The following NKAIN2 variants were observed in gnomAD, a reference collection of about 807,000 sequenced individuals.
The protein encoded by NKAIN2 is sodium/potassium transporting ATPase interacting 2.
NKAIN2 carries 14 observed loss-of-function variants against 32.6 expected under a neutral mutation model. The observed-to-expected ratio is 0.43, with a 90% CI of 0.28 to 0.67. The LOEUF is 0.67. Among genes scored for constraint, NKAIN2 ranks in the 30% least tolerant of loss-of-function variants. NKAIN2 has a pLI of 0.17. For synonymous variants in NKAIN2, 80 were observed against 87.2 expected, an observed-to-expected ratio of 0.92 and a Z score of 0.46; for missense variants, 198 against 258.3, an observed-to-expected ratio of 0.77 and a Z score of 1.60.
chr6:123,897,308 A>T (rs1024026294), intron 1 of NKAIN2, among the ~76,000 whole-genome samples: 1 of 152,124 alleles, frequency 6.6e-6, no homozygotes, highest in Non-Finnish European at 1.5e-5. Flanking sequence ...TCATGGTGAT[A>T]TAGCAATTTT....
intron 3 of NKAIN2, among the ~76,000 whole-genome samples, chr6:124,600,950 T>TTAC (rs1391932868): frequency 1.3e-5 from 2 of 152,054 alleles, no homozygotes; most frequent in Non-Finnish European, 2.9e-5. Flanking sequence ...CCAAATGCCA[T>TTAC]TACTACTGGT....
At chr6:124,229,624 T>C (rs1434023383) in intron 1 of NKAIN2, among the ~76,000 whole-genome samples, 2 of 152,144 alleles carry the variant, frequency 1.3e-5, no homozygotes, top group African/African-American at 4.8e-5. Context: ...AATTCCCATA[T>C]GTTGTGGCAG....
chr6:124,482,967 C>CA (rs1324632904), intron 3 of NKAIN2, among the ~76,000 whole-genome samples: 14 of 151,896 alleles, frequency 9.2e-5, no homozygotes, highest in African/African-American at 3.1e-4. Context: ...CTAAAAATAC[C>CA]AAAAATTAGC....
chr6:124,585,723 A>G (rs1439462822), intron 3 of NKAIN2, among the ~76,000 whole-genome samples: 1 of 149,672 alleles, frequency 6.7e-6, no homozygotes, highest in Non-Finnish European at 1.5e-5. Context: ...TATAAAAAGC[A>G]TAAGTTATTA....
chr6:123,979,808 AT>A (rs1264939069), intron 1 of NKAIN2, among the ~76,000 whole-genome samples: 1 of 152,152 alleles, frequency 6.6e-6, no homozygotes, highest in Non-Finnish European at 1.5e-5. Context: ...CTCAACTCTC[AT>A]TTGAATAGGT....
rs143359456 is a variant in NKAIN2, at chr6:124,403,213, T to C, written c.273+47866T>C. On this transcript the variant is annotated intron_variant, in intron 3 of 6. Coordinates refer to ENST00000368417, the MANE Select transcript of NKAIN2 (RefSeq NM_001040214.3). ...TTTATAGTCTAAACATCTAGTTTCA[T>C]ATTTTATGCATATTTTACATTTTGA... Among the ~76,000 whole-genome samples, 62 of 152,330 alleles carry C rather than the reference T, an allele frequency of 4.1e-4. 1 individual carries two copies. In the East Asian group the frequency reaches 0.011, roughly 28 times the overall value.
At chr6:123,851,325 C>CTACAACCT (rs1775338884) in intron 1 of NKAIN2, among the ~76,000 whole-genome samples, 1 of 137,746 alleles carries the variant, frequency 7.3e-6, no homozygotes, top group Non-Finnish European at 1.5e-5. Context: ...TCTCGGCTCA[C>CTACAACCT]TACAACCTCC....
intron 3 of NKAIN2, among the ~76,000 whole-genome samples, chr6:124,515,438 C>A (rs1189248759): frequency 2.0e-5 from 3 of 151,886 alleles, no homozygotes; most frequent in Non-Finnish European, 4.4e-5. Flanking sequence ...CCAGTGTGTG[C>A]AGAGATCACA....
In NKAIN2 at chr6:124,281,086, G is replaced by T. The variant is rs536025343; in HGVS notation, c.55-1919G>T. Among the ~76,000 whole-genome samples the T allele has an allele frequency of 2.5e-4, 38 of 151,930 alleles. 1 individual carries two copies. The highest frequency in any genetic ancestry group is 2.3e-3 in the Admixed American group (35 of 15,262). ...AGGACTGCTATTTTCTTTCATAATTGGTGCATTTATTGAGATATTTCCCAC... is the reference window on the plus strand; with the variant it reads ...AGGACTGCTATTTTCTTTCATAATTTGTGCATTTATTGAGATATTTCCCAC... On this transcript the variant is annotated intron_variant, in intron 1 of 6. Transcript: ENST00000368417.
chr6:123,838,215 A>G (rs950462644), intron 1 of NKAIN2, among the ~76,000 whole-genome samples: 1 of 152,194 alleles, frequency 6.6e-6, no homozygotes, highest in African/African-American at 2.4e-5. Flanking sequence ...GACAAATACG[A>G]TGTTTTAATA....
At position 124,490,218 on chromosome 6, in the gene NKAIN2, A is replaced by G. The variant is rs542237985; in HGVS notation, c.273+134871A>G. Reference sequence around the variant, plus strand: ...ATGAATCAGCCAAGTTCCTTGAAACATTCAGGAAAGAAAAAAAAACTAAGC... The same window carrying G: ...ATGAATCAGCCAAGTTCCTTGAAACGTTCAGGAAAGAAAAAAAAACTAAGC... On this transcript the variant is annotated intron_variant, in intron 3 of 6. Transcript: ENST00000368417. Among the ~76,000 whole-genome samples the G allele has an allele frequency of 1.1e-4, 16 of 151,840 alleles. No homozygotes were observed. The East Asian group carries it at 3.1e-3, about 29-fold the overall frequency.
At chr6:124,226,233 AG>A (rs1792100468) in intron 1 of NKAIN2, among the ~76,000 whole-genome samples, 1 of 152,104 alleles carries the variant, frequency 6.6e-6, no homozygotes, top group Non-Finnish European at 1.5e-5. Context: ...GATAGTTGAC[AG>A]TCTTCTAGTG....
chr6:123,953,997 G>A (rs1777448730), intron 1 of NKAIN2, among the ~76,000 whole-genome samples: 1 of 152,188 alleles, frequency 6.6e-6, no homozygotes, highest in Non-Finnish European at 1.5e-5. Context: ...GCTTGAATAT[G>A]CATAACAGCT....
At chr6:124,175,117 G>T (rs760489799) in intron 1 of NKAIN2, among the ~76,000 whole-genome samples, 2 of 152,078 alleles carry the variant, frequency 1.3e-5, no homozygotes, top group Non-Finnish European at 2.9e-5. Flanking sequence ...TTATCAAAAG[G>T]TGGGTGCTGA....
chr6:124,332,337 G>T (rs80301787), intron 2 of NKAIN2, among the ~76,000 whole-genome samples: 1 of 151,850 alleles, frequency 6.6e-6, no homozygotes, highest in African/African-American at 2.4e-5. Flanking sequence ...TGCTTGCAGA[G>T]CACTCTTACT....
In NKAIN2 at chr6:124,017,248, G is replaced by A. The variant is rs138851247; in HGVS notation, c.54+212994G>A. ...AACAGTATGGGAAAGACCCGCCCCCGTGATTTAATTACTTCCCATAGGGTC... is the reference window on the plus strand; with the variant it reads ...AACAGTATGGGAAAGACCCGCCCCCATGATTTAATTACTTCCCATAGGGTC... On this transcript the variant is annotated intron_variant, in intron 1 of 6. Coordinates refer to ENST00000368417, the MANE Select transcript of NKAIN2 (RefSeq NM_001040214.3). 1.7e-4 allele frequency among the ~76,000 whole-genome samples: 26 copies of A among 152,210 alleles called. 1 individual carries two copies. The East Asian group carries it at 3.3e-3, about 19-fold the overall frequency.
intron 2 of NKAIN2, among the ~76,000 whole-genome samples, chr6:124,313,820 G>GA (rs1254565480): frequency 1.3e-5 from 2 of 152,076 alleles, no homozygotes; most frequent in East Asian, 3.9e-4. Flanking sequence ...TTTCAATGCA[G>GA]AAAATCTACC....
chr6:124,589,793 G>A lies in NKAIN2; in HGVS notation c.274-68393G>A, dbSNP rs117010192. The stretch of plus-strand genomic sequence containing the variant: ...GTCATCTAGGTTTTAAGCCCTGCAT[G>A]CATTAGGTATTATCTTAATGCTCTC... On this transcript the variant is annotated intron_variant, in intron 3 of 6. Transcript: ENST00000368417. Among the ~76,000 whole-genome samples, 249 of 152,160 alleles carry A rather than the reference G, an allele frequency of 1.6e-3. 1 individual carries two copies. Among genetic ancestry groups the A allele is most frequent in the Non-Finnish European group, 2.9e-3 (195 of 68,002 alleles).
chr6:124,431,145 A>G (rs1022758076), intron 3 of NKAIN2, among the ~76,000 whole-genome samples: 1 of 152,198 alleles, frequency 6.6e-6, no homozygotes, highest in African/African-American at 2.4e-5. Context: ...GCCCATTCTG[A>G]CACTCTGTAA....
Sources: allele counts gnomAD v4.1 joint callset (sites outside exome capture counted in the v4.1 genomes callset), GRCh38; gene constraint gnomAD v4.1.1; transcripts MANE v1.5; gene names NCBI Gene and HGNC (gene_info 2026-07-23, HGNC 2026-07-21).